Variants in FAN1 observed in about 807,000 individuals in gnomAD.
FAN1 encodes the protein fanconi-associated nuclease 1.
FAN1 carries 91 observed loss-of-function variants against 104.9 expected under a neutral mutation model. The observed-to-expected ratio is 0.87, with a 90% CI of 0.73 to 1.03. FAN1 has a LOEUF of 1.03. Ranked by LOEUF, FAN1 falls within the 50% of genes least tolerant of loss-of-function variation. The probability of loss-of-function intolerance (pLI) is 0.00; values close to 1 mark genes in which losing one functional copy is unlikely to be tolerated. For missense variants in FAN1, 1,263 were observed against 1,239.9 expected (o/e 1.02, Z -0.28); for synonymous variants, 478 against 457.6 (o/e 1.04, Z -0.57).
chr15:30,934,172 C>A (rs1337032769), intron 13 of FAN1, among the ~76,000 whole-genome samples: 1 of 152,032 alleles, frequency 6.6e-6, no homozygotes, highest in African/African-American at 2.4e-5. Flanking sequence ...ATGCAGTGAC[C>A]CCCCCTTTAC....
chr15:30,941,345 G>C lies in FAN1; in HGVS notation c.*4-221G>C, dbSNP rs200383312. ...TGATTCAACATGTTTTTAAATATTA[G>C]TGCAAATTCCAACTATTATTCTTAC... is the stretch of plus-strand genomic sequence containing the variant. On this transcript the variant is annotated intron_variant, in intron 14 of 14. Coordinates refer to ENST00000362065, the MANE Select transcript of FAN1 (RefSeq NM_014967.5). 7.2e-6 allele frequency: 11 copies of C among 1,534,780 alleles called. No individual in the cohort carries two copies. The East Asian group carries it at 2.4e-4, about 34-fold the overall frequency.
intron 6 of FAN1, among the ~76,000 whole-genome samples, chr15:30,919,917 G>T (rs925131138): frequency 1.3e-5 from 2 of 152,024 alleles, no homozygotes; most frequent in Non-Finnish European, 2.9e-5. Flanking sequence ...TGTTGTCCAG[G>T]GGTCAGCTGT....
intron 13 of FAN1, among the ~76,000 whole-genome samples, chr15:30,933,188 T>C (rs1313760038): frequency 6.6e-6 from 1 of 152,220 alleles, no homozygotes; most frequent in Non-Finnish European, 1.5e-5. Flanking sequence ...TCATTTGTTT[T>C]TTTATTTCCT....
In FAN1 at chr15:30,934,894, T is replaced by C. The variant is rs140729684; in HGVS notation, c.2917-2225T>C. On this transcript the variant is annotated intron_variant, in intron 13 of 14. Coordinates refer to ENST00000362065, the MANE Select transcript of FAN1 (RefSeq NM_014967.5). Reference sequence around the variant, plus strand: ...ATATATTTTACTTCTACGTGTTATATGTTCTATAACATATTATTTTTGCTT... The same window carrying C: ...ATATATTTTACTTCTACGTGTTATACGTTCTATAACATATTATTTTTGCTT... Among the ~76,000 whole-genome samples the C allele has an allele frequency of 3.9e-3, 592 of 152,380 alleles. 3 individuals carry two copies. Among genetic ancestry groups the C allele is most frequent in the African/African-American group, 0.014 (569 of 41,580 alleles).
chr15:30,929,519 T>C (rs2062559811), intron 12 of FAN1, 122 bp downstream of exon 12: 3 of 408,950 alleles, frequency 7.3e-6, no homozygotes, highest in Non-Finnish European at 4.2e-6. Flanking sequence ...TGTGTGTGCA[T>C]ATATATGATA....
chr15:30,939,272 A>C, intron 14 of FAN1: 10 of 985,500 alleles, frequency 1.0e-5, no homozygotes, highest in Non-Finnish European at 1.2e-5. Context: ...CTTTACGTTC[A>C]ATACTAGAAA....
Position 30,925,902 on chromosome 15 carries a change from G to A in FAN1, c.2451G>A (p.Leu817=). ...PTTVLCSVEE[L]ALAHYRRSGF... is the part of the protein sequence containing the mutation. ...CGGTCCTGTGCTCTGTGGAGGAGCTGGCACTGGCCCATTACAGACGCAGCG... is the reference window on the plus strand; with the variant it reads ...CGGTCCTGTGCTCTGTGGAGGAGCTAGCACTGGCCCATTACAGACGCAGCG... The change falls in exon 10 of 15, where the codon CTG becomes CTA. Residue 817 remains leucine (L), a synonymous_variant. Transcript: ENST00000362065. 1 of 1,614,246 alleles carries A rather than the reference G, an allele frequency of 6.2e-7. No individual in the cohort carries two copies. Among genetic ancestry groups the A allele is most frequent in the Admixed American group, 1.7e-5 (1 of 60,036 alleles).
chr15:30,936,996 TTACAAA>T (rs2062873457), intron 13 of FAN1, 117 bp from the exon 14 acceptor site: 2 of 765,676 alleles, frequency 2.6e-6, no homozygotes, highest in Non-Finnish European at 4.3e-6. Flanking sequence ...TGTGTTACAC[TTACAAA>T]TACAGTGAGA....
In FAN1 at chr15:30,941,752, G is replaced by A. The variant is rs777954484; in HGVS notation, c.*190G>A. On this transcript the variant is annotated 3_prime_UTR_variant, in exon 15 of 15. Coordinates refer to ENST00000362065, the MANE Select transcript of FAN1 (RefSeq NM_014967.5). ...TCAGTACGTCGACTTCATCAGCCAG[G>A]AGGGAGAGCTTGTGAAAGGCTGTGA... The A allele has an allele frequency of 6.2e-7, 1 of 1,613,990 alleles. No homozygotes were observed. The highest frequency in any genetic ancestry group is 8.5e-7 in the Non-Finnish European group (1 of 1,179,894).
At chr15:30,933,585 A>ATG (rs1318257159) in intron 13 of FAN1, among the ~76,000 whole-genome samples, 6 of 152,186 alleles carry the variant, frequency 3.9e-5, no homozygotes, top group Admixed American at 2.6e-4. Flanking sequence ...CTTGAAAAGA[A>ATG]TGTGTGTTTA....
In FAN1 at chr15:30,905,877, C is replaced by A; in HGVS notation, c.1214C>A (p.Thr405Asn). 14 of 1,612,826 alleles carry A rather than the reference C, an allele frequency of 8.7e-6. No individual in the cohort carries two copies. Among genetic ancestry groups the A allele is most frequent in the Non-Finnish European group, 1.2e-5 (14 of 1,179,034 alleles). ...LFDEQEKGIV[T>N]KFYQLSATGQ... ...GATGAGCAGGAGAAGGGAATTGTAA[C>A]TAAATTTTATCAGTTATCAGGTATC... The change falls in exon 2 of 15, where the codon ACT becomes AAT. Residue 405 changes from threonine (T) to asparagine (N), a missense_variant. Thr to Asn is a moderately conservative substitution (Grantham distance 65). This residue lies in a region of FAN1 where 682 missense variants were observed against 571.1 expected (regional missense o/e 1.19). Coordinates refer to ENST00000362065, the MANE Select transcript of FAN1 (RefSeq NM_014967.5).
At chr15:30,940,452 G>T in intron 14 of FAN1, 1 of 985,296 alleles carries the variant, frequency 1.0e-6, no homozygotes, top group African/African-American at 1.7e-5. Flanking sequence ...AACTATGAGA[G>T]AAGGACATCT....
chr15:30,909,885 T>A (rs564065208), intron 3 of FAN1, among the ~76,000 whole-genome samples: 1 of 152,230 alleles, frequency 6.6e-6, no homozygotes, highest in Non-Finnish European at 1.5e-5. Context: ...CCTGCCAGCT[T>A]CAGTTTGCCT....
chr15:30,933,138 T>C (rs901461073), intron 13 of FAN1, among the ~76,000 whole-genome samples: 4 of 152,204 alleles, frequency 2.6e-5, no homozygotes, highest in Admixed American at 2.0e-4. Context: ...GCAGGAGGTT[T>C]ATCAATTTAC....
intron 4 of FAN1, among the ~76,000 whole-genome samples, chr15:30,912,578 C>G (rs181654824): frequency 6.6e-6 from 1 of 152,302 alleles, no homozygotes; most frequent in African/African-American, 2.4e-5. Flanking sequence ...CCTTCCCCTT[C>G]AACTCCATGA....
At chr15:30,940,786 T>C (rs1376321785) in intron 14 of FAN1, 2 of 986,710 alleles carry the variant, frequency 2.0e-6, no homozygotes, top group Non-Finnish European at 2.4e-6. Context: ...TGAAATTATA[T>C]TTTCTTCTGT....
At chr15:30,911,605 T>C (rs930192682) in intron 4 of FAN1, 1 of 947,826 alleles carries the variant, frequency 1.1e-6, no homozygotes, top group African/African-American at 1.8e-5. Flanking sequence ...TAAAAAGTAC[T>C]TCAATAAATT....
At chr15:30,938,944 A>T in intron 14 of FAN1, 2 of 985,416 alleles carry the variant, frequency 2.0e-6, no homozygotes, top group Middle Eastern at 5.2e-4. Context: ...AACAACAAAC[A>T]GTCGCTGTGG....
chr15:30,934,331 G>A (rs962308644), intron 13 of FAN1, among the ~76,000 whole-genome samples: 1 of 151,936 alleles, frequency 6.6e-6, no homozygotes, highest in African/African-American at 2.4e-5. Context: ...TGGATTTCCT[G>A]TAGGCATCAT....
Sources: gnomAD v4.1 joint callset for allele counts (sites outside exome capture counted in the v4.1 genomes callset) on GRCh38, gnomAD v4.1.1 for gene constraint, gnomAD v4.1.1 regional missense constraint, MANE v1.5 for transcripts, NCBI Gene and HGNC (gene_info 2026-07-23, HGNC 2026-07-21) for gene names.